ST8SIA2: variants seen among roughly 807,000 people sequenced by gnomAD.
ST8SIA2 encodes ST8 alpha-N-acetyl-neuraminide alpha-2,8-sialyltransferase 2, also known as alpha-2,8-sialyltransferase 8B.
ST8SIA2 carries 22 observed loss-of-function variants against 37.6 expected under a neutral mutation model. The ratio of observed to expected loss-of-function variants is 0.58; its 90% confidence interval spans 0.42 to 0.83. ST8SIA2 has a LOEUF of 0.83. ST8SIA2 is among the 40% of genes least tolerant of loss of function. ST8SIA2 has a pLI of 0.00. For missense variants in ST8SIA2, 382 were observed against 484.7 expected (o/e 0.79, Z 1.99); for synonymous variants, 205 against 201.2 (o/e 1.02, Z -0.16).
Position 92,464,562 on chromosome 15 carries a change from A to T in ST8SIA2, c.*177A>T. On this transcript the variant is annotated 3_prime_UTR_variant, in exon 6 of 6. Coordinates refer to ENST00000268164, the MANE Select transcript of ST8SIA2 (RefSeq NM_006011.4). ...CCTGCATATATATATTGACCTGAGTATTTATAACTGTGTGGTGTTCATCTA... is the reference window on the plus strand; with the variant it reads ...CCTGCATATATATATTGACCTGAGTTTTTATAACTGTGTGGTGTTCATCTA... 1 of 696,754 alleles carries T rather than the reference A, an allele frequency of 1.4e-6. No homozygotes were observed. Among genetic ancestry groups the T allele is most frequent in the Non-Finnish European group, 2.4e-6 (1 of 411,966 alleles). 43.2% of individuals were successfully genotyped at this position (696,754 alleles called of 1,614,324 possible).
intron 1 of ST8SIA2, among the ~76,000 whole-genome samples, chr15:92,399,556 C>T (rs972040303): frequency 6.6e-6 from 1 of 152,144 alleles, no homozygotes; most frequent in Non-Finnish European, 1.5e-5. Context: ...AGTTGCAGTC[C>T]AGGCACTCTG....
At chr15:92,405,446 G>A (rs995104948) in intron 1 of ST8SIA2, among the ~76,000 whole-genome samples, 15 of 152,234 alleles carry the variant, frequency 9.9e-5, no homozygotes, top group African/African-American at 1.4e-4. Flanking sequence ...CTACTGAACC[G>A]AACACTTAAA....
In ST8SIA2 at chr15:92,440,729, A is replaced by G. The variant is rs182615549; in HGVS notation, c.548+2119A>G. On this transcript the variant is annotated intron_variant, in intron 4 of 5. Coordinates refer to ENST00000268164, the MANE Select transcript of ST8SIA2 (RefSeq NM_006011.4). Reference sequence around the variant, plus strand: ...CTAGCTCCTCCACCCCACTGGGACTATTCCTCTGGGTTCTTCCCATCTAGG... The same window carrying G: ...CTAGCTCCTCCACCCCACTGGGACTGTTCCTCTGGGTTCTTCCCATCTAGG... 2.3e-3 allele frequency among the ~76,000 whole-genome samples: 346 copies of G among 152,256 alleles called. 1 individual carries two copies. Among genetic ancestry groups the G allele is most frequent in the African/African-American group, 7.8e-3 (323 of 41,548 alleles).
At chr15:92,446,559 G>A (rs2049844188) in intron 5 of ST8SIA2, among the ~76,000 whole-genome samples, 1 of 152,158 alleles carries the variant, frequency 6.6e-6, no homozygotes, top group Non-Finnish European at 1.5e-5. Context: ...TATGCGCTAG[G>A]CTCTGTTCTA....
chr15:92,431,226 C>T (rs2141828730), intron 2 of ST8SIA2, among the ~76,000 whole-genome samples: 1 of 152,232 alleles, frequency 6.6e-6, no homozygotes, highest in Non-Finnish European at 1.5e-5. Flanking sequence ...CCCAAGTCCT[C>T]GTGGTAGCTT....
At chr15:92,394,229 C>A in intron 1 of ST8SIA2, 67 bp downstream of exon 1, 1 of 1,332,836 alleles carries the variant, frequency 7.5e-7, no homozygotes, top group Non-Finnish European at 1.1e-6. Context: ...CTGTACTCTC[C>A]ACCCTCCGAC....
chr15:92,441,624 C>T (rs2141836885), intron 4 of ST8SIA2, among the ~76,000 whole-genome samples: 1 of 150,966 alleles, frequency 6.6e-6, no homozygotes, highest in East Asian at 2.0e-4. Flanking sequence ...CACACACGCA[C>T]TTCTTCCATA....
At chr15:92,421,519 C>T (rs999780290) in intron 1 of ST8SIA2, among the ~76,000 whole-genome samples, 2 of 152,150 alleles carry the variant, frequency 1.3e-5, no homozygotes, top group African/African-American at 2.4e-5. Context: ...CATTCATTAG[C>T]TCATGTGATC....
intron 5 of ST8SIA2, among the ~76,000 whole-genome samples, chr15:92,452,335 C>T (rs1218970649): frequency 8.2e-6 from 1 of 122,404 alleles, no homozygotes; most frequent in African/African-American, 2.9e-5. Flanking sequence ...AAGTAATTTG[C>T]ATGCACAGCG....
chr15:92,400,875 A>G (rs1434249553), intron 1 of ST8SIA2, among the ~76,000 whole-genome samples: 2 of 152,196 alleles, frequency 1.3e-5, no homozygotes, highest in Non-Finnish European at 2.9e-5. Context: ...GCTGGTCCCC[A>G]GGTAGGATGC....
At chr15:92,409,502 G>A (rs2049533838) in intron 1 of ST8SIA2, among the ~76,000 whole-genome samples, 1 of 143,882 alleles carries the variant, frequency 7.0e-6, no homozygotes, top group Non-Finnish European at 1.5e-5. Flanking sequence ...TCTGGACTAG[G>A]TGGTCTATTT....
chr15:92,436,376 C>A (rs777494047), intron 3 of ST8SIA2, among the ~76,000 whole-genome samples: 31 of 152,146 alleles, frequency 2.0e-4, no homozygotes, highest in Admixed American at 5.9e-4. Context: ...CTGTGTCCTT[C>A]ATAAAGACCC....
intron 1 of ST8SIA2, among the ~76,000 whole-genome samples, chr15:92,418,440 C>A (rs12592896): frequency 7.2e-6 from 1 of 138,012 alleles, no homozygotes. Flanking sequence ...CTAGTCTGGG[C>A]GACAGGAGTG....
chr15:92,455,865 T>G (rs1228092100), intron 5 of ST8SIA2, among the ~76,000 whole-genome samples: 1 of 152,274 alleles, frequency 6.6e-6, no homozygotes, highest in African/African-American at 2.4e-5. Context: ...TCGATTCATA[T>G]CCTCACCTAC....
In ST8SIA2 at chr15:92,466,461, A is replaced by C. The variant is rs2049992902; in HGVS notation, c.*2076A>C. ...GATTAACCAAGGCCTTGGATTCCAGAATGTTTCATGGTAAGCACTGTGGAG... is the reference window on the plus strand; with the variant it reads ...GATTAACCAAGGCCTTGGATTCCAGCATGTTTCATGGTAAGCACTGTGGAG... On this transcript the variant is annotated 3_prime_UTR_variant, in exon 6 of 6. Transcript: ENST00000268164. 1 of 151,988 alleles carries C rather than the reference A, an allele frequency of 6.6e-6. No homozygotes were observed. Among genetic ancestry groups the C allele is most frequent in the African/African-American group, 2.4e-5 (1 of 41,372 alleles). 9.4% of individuals were successfully genotyped at this position (151,988 alleles called of 1,614,324 possible). A position where few individuals can be genotyped will look rare whatever the true frequency, so the allele number is the denominator to read the frequency against.
chr15:92,415,848 C>T lies in ST8SIA2; in HGVS notation c.99-14201C>T, dbSNP rs17646658. On this transcript the variant is annotated intron_variant, in intron 1 of 5. Coordinates refer to ENST00000268164, the MANE Select transcript of ST8SIA2 (RefSeq NM_006011.4). ...AACAAGGGATTCCAGAGAGAGGGCA[C>T]GATATTTAAAGACACAGGCTTGTGA... Among the ~76,000 whole-genome samples the T allele has an allele frequency of 8.4e-4, 128 of 152,114 alleles. 1 individual carries two copies. The East Asian group carries it at 0.018, about 22-fold the overall frequency.
intron 1 of ST8SIA2, among the ~76,000 whole-genome samples, chr15:92,408,677 T>TTTATTTA (rs1555451198): frequency 7.3e-5 from 9 of 123,140 alleles, no homozygotes; most frequent in South Asian, 2.6e-4. Flanking sequence ...GTTCCATTTT[T>TTTATTTA]TTTATTTATT....
intron 1 of ST8SIA2, among the ~76,000 whole-genome samples, chr15:92,416,293 T>C (rs1189395091): frequency 1.3e-5 from 2 of 150,858 alleles, no homozygotes; most frequent in African/African-American, 2.4e-5. Flanking sequence ...CTGAATGAAC[T>C]AGGGGTGGCT....
chr15:92,427,963 A>G (rs1328679606), intron 1 of ST8SIA2, among the ~76,000 whole-genome samples: 2 of 152,230 alleles, frequency 1.3e-5, no homozygotes, highest in African/African-American at 4.8e-5. Flanking sequence ...AGCCTGGGCA[A>G]TGAAGGGAGA....
Sources: allele counts gnomAD v4.1 joint callset (sites outside exome capture counted in the v4.1 genomes callset), GRCh38; gene constraint gnomAD v4.1.1; transcripts MANE v1.5; gene names NCBI Gene and HGNC (gene_info 2026-07-23, HGNC 2026-07-21).